Variants in SMARCA2 observed in about 807,000 individuals in gnomAD.
The protein encoded by SMARCA2 is SWI/SNF related BAF chromatin remodeling complex subunit ATPase 2.
Under a neutral mutation model 199.8 loss-of-function variants are expected in SMARCA2, and 61 were observed. The observed-to-expected ratio is 0.31, with a 90% confidence interval of 0.25 to 0.38. The LOEUF (loss-of-function observed/expected upper bound fraction) is 0.38. Among genes scored for constraint, SMARCA2 ranks in the 10% least tolerant of loss-of-function variants. SMARCA2 has a pLI of 1.00. For missense variants in SMARCA2, 1,344 were observed against 2,012.2 expected, an observed-to-expected ratio of 0.67 and a Z score of 6.35; for synonymous variants, 935 against 732.0, an observed-to-expected ratio of 1.28 and a Z score of -4.48.
At chr9:2,140,765 G>A (rs1009611597) in intron 27 of SMARCA2, among the ~76,000 whole-genome samples, 24 of 152,152 alleles carry the variant, frequency 1.6e-4, no homozygotes, top group Non-Finnish European at 3.2e-4. Context: ...TTTTTAACCT[G>A]TTGTGAGGCT....
Position 2,170,366 on chromosome 9 carries a change from G to A in SMARCA2, c.4200-53G>A, listed in dbSNP as rs1036675422. Reference sequence around the variant, plus strand: ...CCAGCCTAGGAAGAAGGAGCCGGGCGGGGACGAGAACCCAGGTCTTCTGAC... The same window carrying A: ...CCAGCCTAGGAAGAAGGAGCCGGGCAGGGACGAGAACCCAGGTCTTCTGAC... On this transcript the variant is annotated intron_variant, in intron 28 of 33. Transcript: ENST00000349721. The surrounding 1 kb of genome is among the most constrained non-coding windows in gnomAD (Gnocchi z 4.7). 266 of 1,611,124 alleles carry A rather than the reference G, an allele frequency of 1.7e-4. No individual in the cohort carries two copies. Among genetic ancestry groups the A allele is most frequent in the East Asian group, 2.7e-4 (12 of 44,636 alleles).
At position 2,119,385 on chromosome 9, in the gene SMARCA2, G is replaced by C; in HGVS notation, c.3685-73G>C. The C allele has an allele frequency of 1.0e-6, 1 of 975,022 alleles. No individual in the cohort carries two copies. The allele number at this position is 975,022 out of a possible 1,614,324, so 60.4% of individuals were successfully genotyped here. Reference sequence around the variant, plus strand: ...AGAAATGGGACCCCTCTGGTCTGGAGGACAGATCACTTACTTGTTTGTACC... The same window carrying C: ...AGAAATGGGACCCCTCTGGTCTGGACGACAGATCACTTACTTGTTTGTACC... On this transcript the variant is annotated intron_variant, in intron 25 of 33. Coordinates refer to ENST00000349721, the MANE Select transcript of SMARCA2 (RefSeq NM_003070.5). The surrounding 1 kb of genome is among the most constrained non-coding windows in gnomAD (Gnocchi z 4.6).
intron 32 of SMARCA2, among the ~76,000 whole-genome samples, chr9:2,187,565 C>T (rs1827557651): frequency 6.6e-6 from 1 of 152,056 alleles, no homozygotes. Context: ...ATAGTCCCAG[C>T]TACTCAGGAA....
At chr9:2,166,924 G>A (rs183701515) in intron 28 of SMARCA2, among the ~76,000 whole-genome samples, 1 of 152,186 alleles carries the variant, frequency 6.6e-6, no homozygotes. Context: ...GTGAAATGAG[G>A]TTAGCTTGCC....
In SMARCA2 at chr9:2,058,527, A is replaced by G. The variant is rs536392384; in HGVS notation, c.1521+63A>G. 201 of 1,334,136 alleles carry G rather than the reference A, an allele frequency of 1.5e-4. 2 individuals carry two copies. Among genetic ancestry groups the G allele is most frequent in the South Asian group, 2.5e-5 (2 of 78,928 alleles). 82.6% of individuals were successfully genotyped at this position (1,334,136 alleles called of 1,614,324 possible). On this transcript the variant is annotated intron_variant, in intron 8 of 33. Transcript: ENST00000349721. ...ACCCACGTCCGTCTGCAATGAGACC[A>G]TTAAATATGGTGGTAGTAGAAGGAA...
intron 2 of SMARCA2, 125 bp downstream of exon 2, chr9:2,029,372 T>G (rs1818965527): frequency 1.5e-6 from 2 of 1,309,116 alleles, no homozygotes; most frequent in African/African-American, 3.0e-5. Context: ...GTCTTGTATA[T>G]CTCATATATT....
In SMARCA2 at chr9:2,167,851, C is replaced by T. The variant is rs531492238; in HGVS notation, c.4200-2568C>T. Among the ~76,000 whole-genome samples, 99 of 152,126 alleles carry T rather than the reference C, an allele frequency of 6.5e-4. 1 individual carries two copies. Among genetic ancestry groups the T allele is most frequent in the African/African-American group, 2.3e-3 (95 of 41,496 alleles). On this transcript the variant is annotated intron_variant, in intron 28 of 33. Coordinates refer to ENST00000349721, the MANE Select transcript of SMARCA2 (RefSeq NM_003070.5). Reference sequence around the variant, plus strand: ...TACTTACCCCCACTAGCTCATCATGCAGTGGAAGAGATAGCTTTCCTATGG... The same window carrying T: ...TACTTACCCCCACTAGCTCATCATGTAGTGGAAGAGATAGCTTTCCTATGG...
chr9:2,120,035 C>T (rs540474003), intron 26 of SMARCA2, among the ~76,000 whole-genome samples: 3 of 152,202 alleles, frequency 2.0e-5, no homozygotes, highest in Non-Finnish European at 4.4e-5. Flanking sequence ...GATAGGTGGA[C>T]AACAGCTAAA....
At chr9:2,111,621 G>A (rs947346697) in intron 24 of SMARCA2, among the ~76,000 whole-genome samples, 10 of 152,042 alleles carry the variant, frequency 6.6e-5, no homozygotes, top group Admixed American at 6.5e-4. Flanking sequence ...CTATCTCACT[G>A]GGTTGCGAAG....
chr9:2,079,100 C>G (rs1396598519), intron 14 of SMARCA2, among the ~76,000 whole-genome samples: 1 of 151,950 alleles, frequency 6.6e-6, no homozygotes, highest in Non-Finnish European at 1.5e-5. Context: ...TAGGCATAAC[C>G]CTGGACTGTC....
chr9:2,065,935 C>A (rs1820819100), intron 9 of SMARCA2, among the ~76,000 whole-genome samples: 1 of 152,140 alleles, frequency 6.6e-6, no homozygotes, highest in African/African-American at 2.4e-5. Context: ...ACTGGATTGA[C>A]CAGTTACTTG....
rs560123633 is a variant in SMARCA2 at position 2,169,754 on chromosome 9, A to G, written c.4200-665A>G. Among the ~76,000 whole-genome samples the G allele has an allele frequency of 1.3e-5, 2 of 152,286 alleles. No individual in the cohort carries two copies. Among genetic ancestry groups the G allele is most frequent in the South Asian group, 4.1e-4 (2 of 4,830 alleles). The stretch of plus-strand genomic sequence containing the variant: ...CCTGCCACCACAAAAAGGGACACCA[A>G]CCTAGCAGTTTCAAAAATCCTCAAC... On this transcript the variant is annotated intron_variant, in intron 28 of 33. Coordinates refer to ENST00000349721, the MANE Select transcript of SMARCA2 (RefSeq NM_003070.5). This position sits in a 1 kb window ranked among gnomAD's most constrained non-coding sequence, Gnocchi z 6.5.
intron 23 of SMARCA2, among the ~76,000 whole-genome samples, chr9:2,105,567 C>T (rs550694914): frequency 1.3e-5 from 2 of 152,282 alleles, no homozygotes; most frequent in East Asian, 3.9e-4. Flanking sequence ...CTTTACCTCT[C>T]CCCTCCAAAT....
intron 2 of SMARCA2, among the ~76,000 whole-genome samples, chr9:2,030,866 G>A (rs891067909): frequency 4.6e-5 from 7 of 152,272 alleles, no homozygotes; most frequent in Admixed American, 4.6e-4. Context: ...TAGGGCATCA[G>A]AGCCCAAAAG....
intron 4 of SMARCA2, chr9:2,044,589 CT>C (rs1175596582): frequency 2.0e-5 from 3 of 152,240 alleles, no homozygotes; most frequent in African/African-American, 7.2e-5. Context: ...CTCACTGAAT[CT>C]TCACCGCTGC....
In SMARCA2 at chr9:2,030,185, A is replaced by G. The variant is rs370571591; in HGVS notation, c.225+938A>G. ...GATTCTCCAGAGAAACGGAACCAAT[A>G]GGAGATAGAGATATATGTAAAAAGA... is the stretch of plus-strand genomic sequence containing the variant. On this transcript the variant is annotated intron_variant, in intron 2 of 33. Transcript: ENST00000349721. Among the ~76,000 whole-genome samples, 5 of 152,340 alleles carry G rather than the reference A, an allele frequency of 3.3e-5. No individual in the cohort carries two copies. In the East Asian group the frequency reaches 7.7e-4, roughly 23 times the overall value.
chr9:2,033,719 G>C (rs1235942569), intron 3 of SMARCA2, among the ~76,000 whole-genome samples: 3 of 152,224 alleles, frequency 2.0e-5, no homozygotes, highest in African/African-American at 7.2e-5. Context: ...CTCTCTGAAG[G>C]CTTTAGAGAA....
intron 9 of SMARCA2, among the ~76,000 whole-genome samples, chr9:2,064,221 G>A (rs1474008325): frequency 6.6e-6 from 1 of 152,228 alleles, no homozygotes; most frequent in East Asian, 1.9e-4. Context: ...AGTCGTGTTA[G>A]CAGGTAATCT....
At chr9:2,132,483 A>C (rs1042420096) in intron 27 of SMARCA2, among the ~76,000 whole-genome samples, 2 of 152,200 alleles carry the variant, frequency 1.3e-5, no homozygotes, top group African/African-American at 4.8e-5. Context: ...TCTAAAGCAT[A>C]ATGTGCATCA....
Sources: allele counts gnomAD v4.1 joint callset (sites outside exome capture counted in the v4.1 genomes callset), GRCh38; gene constraint gnomAD v4.1.1; non-coding constraint Gnocchi (gnomAD v3.1); transcripts MANE v1.5; gene names NCBI Gene and HGNC (gene_info 2026-07-23, HGNC 2026-07-21).